Variants in PTPN6 observed in about 807,000 individuals in gnomAD.
PTPN6 encodes the protein protein tyrosine phosphatase non-receptor type 6, also known as tyrosine-protein phosphatase non-receptor type 6.
Under a neutral mutation model 81.5 loss-of-function variants are expected in PTPN6, and 18 were observed. The observed-to-expected ratio is 0.22, with a 90% CI of 0.15 to 0.33. PTPN6 has a LOEUF of 0.33. Ranked by LOEUF, PTPN6 falls within the 10% of genes least tolerant of loss-of-function variation. The pLI, the probability that PTPN6 is intolerant of heterozygous loss-of-function variation, is 1.00. For missense variants in PTPN6, 500 were observed against 794.2 expected (o/e 0.63, Z 4.45); for synonymous variants, 301 against 310.9 (o/e 0.97, Z 0.33).
upstream of PTPN6, chr12:6,951,278 A>G (rs976907992): frequency 6.9e-7 from 1 of 1,449,016 alleles, no homozygotes; most frequent in Admixed American, 2.6e-5. This position sits in a 1 kb window ranked among gnomAD's most constrained non-coding sequence, Gnocchi z 7.2. Flanking sequence ...TGTGCTCTAA[A>G]ACGAGAAGTA....
Position 6,959,831 on chromosome 12 carries a change from G to C in PTPN6, c.1362-96G>C, listed in dbSNP as rs996493426. The C allele has an allele frequency of 1.5e-6, 2 of 1,318,190 alleles. No individual in the cohort carries two copies. The highest frequency in any genetic ancestry group is 2.4e-5 in the South Asian group (2 of 84,818). The allele number at this position is 1,318,190 out of a possible 1,614,324, so 81.7% of individuals were successfully genotyped here. On this transcript the variant is annotated intron_variant, in intron 11 of 15. Transcript: ENST00000318974. The surrounding 1 kb of genome is among the most constrained non-coding windows in gnomAD (Gnocchi z 6.6). ...CCTCCCATCACTGGAGGCTCAGGCT[G>C]CTCCTGTGGTGCCTGGGGCTGGAGC...
In PTPN6 at chr12:6,959,246, T is replaced by G. The variant is rs781870591; in HGVS notation, c.1362-681T>G. Reference sequence around the variant, plus strand: ...ATTCACACACTTCTTGAAAGCCCCATGGCCTTTATTTAGACGTTACAGGAA... The same window carrying G: ...ATTCACACACTTCTTGAAAGCCCCAGGGCCTTTATTTAGACGTTACAGGAA... On this transcript the variant is annotated intron_variant, in intron 11 of 15. Transcript: ENST00000318974. The surrounding 1 kb of genome is among the most constrained non-coding windows in gnomAD (Gnocchi z 6.6). The G allele has an allele frequency of 2.5e-5, 4 of 157,504 alleles. No individual in the cohort carries two copies. In the South Asian group the frequency reaches 6.8e-4, roughly 27 times the overall value. The allele number at this position is 157,504 out of a possible 1,614,324, so 9.8% of individuals were successfully genotyped here. A position where few individuals can be genotyped will look rare whatever the true frequency, so the allele number is the denominator to read the frequency against.
upstream of PTPN6, among the ~76,000 whole-genome samples, chr12:6,947,668 C>CAAA (rs112544780): frequency 3.1e-5 from 2 of 64,784 alleles, no homozygotes; most frequent in Non-Finnish European, 6.5e-5. Flanking sequence ...GACCTTGTCT[C>CAAA]AAAAAAAAAA....
rs1945994307 is a variant in PTPN6 at position 6,954,797 on chromosome 12, T to A, written c.327-8T>A. On this transcript the variant is annotated splice_polypyrimidine_tract_variant and splice_region_variant and intron_variant, in intron 3 of 15. Transcript: ENST00000318974. This position sits in a 1 kb window ranked among gnomAD's most constrained non-coding sequence, Gnocchi z 5.4. ...GGGTCTTACCTTCCCTGACGCTGCC[T>A]TCTCTAGGTGGTACCATGGCCACAT... 1 of 1,613,160 alleles carries A rather than the reference T, an allele frequency of 6.2e-7. No individual in the cohort carries two copies. Among genetic ancestry groups the A allele is most frequent in the Admixed American group, 1.7e-5 (1 of 59,994 alleles).
chr12:6,958,348 G>C (rs782516695), intron 11 of PTPN6, among the ~76,000 whole-genome samples: 1 of 152,170 alleles, frequency 6.6e-6, no homozygotes, highest in Non-Finnish European at 1.5e-5. Flanking sequence ...GGAGGAGCCC[G>C]GGACCCAGTT....
In PTPN6 at chr12:6,957,880, G is replaced by C. The variant is rs781832629; in HGVS notation, c.1207-39G>C. 4 of 1,613,942 alleles carry C rather than the reference G, an allele frequency of 2.5e-6. No individual in the cohort carries two copies. In the East Asian group the frequency reaches 6.7e-5, roughly 27 times the overall value. Reference sequence around the variant, plus strand: ...TAGGGTGAGATGGATGAGGTGTTCCGAGAGAGGAGGGGGCACTGACCCTAT... The same window carrying C: ...TAGGGTGAGATGGATGAGGTGTTCCCAGAGAGGAGGGGGCACTGACCCTAT... On this transcript the variant is annotated intron_variant, in intron 10 of 15. Coordinates refer to ENST00000318974, the MANE Select transcript of PTPN6 (RefSeq NM_002831.6). The surrounding 1 kb of genome is among the most constrained non-coding windows in gnomAD (Gnocchi z 6.5).
Position 6,952,274 on chromosome 12 carries a change from T to C in PTPN6, c.326+97T>C. Reference sequence around the variant, plus strand: ...AGGGAGACTGGCAGCCGGCGCTGCCTACCCTCCATCCCCTCCCCTCCCTGC... The same window carrying C: ...AGGGAGACTGGCAGCCGGCGCTGCCCACCCTCCATCCCCTCCCCTCCCTGC... On this transcript the variant is annotated intron_variant, in intron 3 of 15. Transcript: ENST00000318974. This position sits in a 1 kb window ranked among gnomAD's most constrained non-coding sequence, Gnocchi z 8.1. The C allele has an allele frequency of 1.4e-6, 2 of 1,437,702 alleles. No homozygotes were observed. The highest frequency in any genetic ancestry group is 1.9e-6 in the Non-Finnish European group (2 of 1,028,986). The allele number at this position is 1,437,702 out of a possible 1,614,324, so 89.1% of individuals were successfully genotyped here. A position where few individuals can be genotyped will look rare whatever the true frequency, so the allele number is the denominator to read the frequency against.
intron 3 of PTPN6, chr12:6,953,565 A>T (rs1362579178): frequency 1.3e-5 from 2 of 151,992 alleles, no homozygotes; most frequent in Non-Finnish European, 2.9e-5. Context: ...TGAGCCTGGG[A>T]GTGTGTGAGA....
chr12:6,956,637 C>T lies in PTPN6; in HGVS notation c.1074+69C>T. Reference sequence around the variant, plus strand: ...TCATGCCATTAAGTCGAAGAGCAGTCAGATGCCAGGGCAGAAAGGGATCTC... The same window carrying T: ...TCATGCCATTAAGTCGAAGAGCAGTTAGATGCCAGGGCAGAAAGGGATCTC... On this transcript the variant is annotated intron_variant, in intron 9 of 15. Transcript: ENST00000318974. This position sits in a 1 kb window ranked among gnomAD's most constrained non-coding sequence, Gnocchi z 4.1. 6.3e-7 allele frequency: 1 copy of T among 1,596,430 alleles called. No individual in the cohort carries two copies. Among genetic ancestry groups the T allele is most frequent in the Non-Finnish European group, 8.6e-7 (1 of 1,168,244 alleles).
chr12:6,954,963 T>C lies in PTPN6; in HGVS notation c.485T>C (p.Leu162Pro), dbSNP rs1945999616. Residue 162 changes from leucine (L) to proline (P), a missense_variant, in exon 4 of 16, where the codon CTC becomes CCC. Leu to Pro is a moderately conservative substitution (Grantham distance 98). Around this residue, in one of 6 missense-constraint regions of PTPN6, gnomAD observed 22 missense variants for 16.1 expected, o/e 1.37. Coordinates refer to ENST00000318974, the MANE Select transcript of PTPN6 (RefSeq NM_002831.6). This position sits in a 1 kb window ranked among gnomAD's most constrained non-coding sequence, Gnocchi z 5.4. The part of the protein sequence containing the change: ...DQPKAGPGSP[L>P]RVTHIKVMCE... The stretch of plus-strand genomic sequence containing the variant: ...CCCAAGGCTGGCCCAGGCTCCCCGC[T>C]CAGGGTCACCCACATCAAGGTCATG... The C allele has an allele frequency of 6.2e-7, 1 of 1,614,032 alleles. No individual in the cohort carries two copies. Among genetic ancestry groups the C allele is most frequent in the African/African-American group, 1.3e-5 (1 of 74,940 alleles).
Position 6,961,010 on chromosome 12 carries a change from C to T in PTPN6, c.*25+65C>T. ...TGTGTCCTTGGCTCCACTGCCTTCC[C>T]TGGGTGGATGGGGTGGCCGCAGCCT... On this transcript the variant is annotated intron_variant, in intron 15 of 15. Transcript: ENST00000318974. 1.9e-6 allele frequency: 3 copies of T among 1,545,434 alleles called. No individual in the cohort carries two copies. In the South Asian group the frequency reaches 3.6e-5, roughly 19 times the overall value.
chr12:6,948,495 A>G (rs1375254739), upstream of PTPN6, among the ~76,000 whole-genome samples: 3 of 151,490 alleles, frequency 2.0e-5, no homozygotes, highest in East Asian at 5.8e-4. Context: ...GAAAAAGAGA[A>G]AGAAGGAAAA....
rs1444704840 is a variant in PTPN6 at position 6,955,546 on chromosome 12, C to T, written c.747+61C>T. 6.3e-7 allele frequency: 1 copy of T among 1,577,564 alleles called. No homozygotes were observed. Among genetic ancestry groups the T allele is most frequent in the Non-Finnish European group, 8.7e-7 (1 of 1,148,018 alleles). ...AGGTGGTGGCAGCGGCCTGGGGCCCCAGGCGGACACCTTCCCCTCCTTGCC... is the reference window on the plus strand; with the variant it reads ...AGGTGGTGGCAGCGGCCTGGGGCCCTAGGCGGACACCTTCCCCTCCTTGCC... On this transcript the variant is annotated intron_variant, in intron 6 of 15. Coordinates refer to ENST00000318974, the MANE Select transcript of PTPN6 (RefSeq NM_002831.6). This position sits in a 1 kb window ranked among gnomAD's most constrained non-coding sequence, Gnocchi z 7.2.
rs1946014806 is a variant in PTPN6, at chr12:6,955,597, G to GA, written c.748-63_748-62insA. On this transcript the variant is annotated intron_variant, in intron 6 of 15. Transcript: ENST00000318974. The surrounding 1 kb of genome is among the most constrained non-coding windows in gnomAD (Gnocchi z 7.2). Reference sequence around the variant, plus strand: ...CACCTCTGCTCCTGACCCACCCCACGTGAGCTCCCCCGATGGATGCCCTCT... The same window carrying GA: ...CACCTCTGCTCCTGACCCACCCCACGATGAGCTCCCCCGATGGATGCCCTCT... 21 of 1,578,748 alleles carry GA rather than the reference G, an allele frequency of 1.3e-5. No individual in the cohort carries two copies. Among genetic ancestry groups the GA allele is most frequent in the Non-Finnish European group, 1.8e-5 (21 of 1,148,736 alleles).
chr12:6,960,074 T>C lies in PTPN6; in HGVS notation c.1430-14T>C, dbSNP rs1428468320. On this transcript the variant is annotated splice_polypyrimidine_tract_variant and intron_variant, in intron 12 of 15. Coordinates refer to ENST00000318974, the MANE Select transcript of PTPN6 (RefSeq NM_002831.6). This position sits in a 1 kb window ranked among gnomAD's most constrained non-coding sequence, Gnocchi z 6.1. Reference sequence around the variant, plus strand: ...CCTATGCCTGGACCTGAGGTTTGACTGCCCCCCACCCAGGCCTGGACTGTG... The same window carrying C: ...CCTATGCCTGGACCTGAGGTTTGACCGCCCCCCACCCAGGCCTGGACTGTG... The C allele has an allele frequency of 1.2e-6, 2 of 1,613,390 alleles. No individual in the cohort carries two copies. Among genetic ancestry groups the C allele is most frequent in the Non-Finnish European group, 1.7e-6 (2 of 1,179,990 alleles).
intron 11 of PTPN6, among the ~76,000 whole-genome samples, chr12:6,958,849 T>G (rs1296738634): frequency 1.3e-5 from 2 of 152,226 alleles, no homozygotes; most frequent in Non-Finnish European, 2.9e-5. Context: ...ACCCTCAGCT[T>G]CCTCATCTGT....
Position 6,960,741 on chromosome 12 carries a change from TC to T in PTPN6, c.1674-60del. Reference sequence around the variant, plus strand: ...GCCAGAGGGGACTGCCAGTGCCGGGTCCCCCTGTGCTGTCTCCTGACCTGCA... The same window carrying T: ...GCCAGAGGGGACTGCCAGTGCCGGGTCCCCTGTGCTGTCTCCTGACCTGCA... On this transcript the variant is annotated intron_variant, in intron 14 of 15. Transcript: ENST00000318974. The surrounding 1 kb of genome is among the most constrained non-coding windows in gnomAD (Gnocchi z 6.1). 4 of 1,551,306 alleles carry T rather than the reference TC, an allele frequency of 2.6e-6. No individual in the cohort carries two copies. Among genetic ancestry groups the T allele is most frequent in the Non-Finnish European group, 3.5e-6 (4 of 1,146,954 alleles).
rs781872658 is a variant in PTPN6, at chr12:6,961,007, T to TC, written c.*25+65dup. On this transcript the variant is annotated intron_variant, in intron 15 of 15. Coordinates refer to ENST00000318974, the MANE Select transcript of PTPN6 (RefSeq NM_002831.6). Reference sequence around the variant, plus strand: ...CCCTGTGTCCTTGGCTCCACTGCCTTCCCTGGGTGGATGGGGTGGCCGCAG... The same window carrying TC: ...CCCTGTGTCCTTGGCTCCACTGCCTTCCCCTGGGTGGATGGGGTGGCCGCAG... The TC allele has an allele frequency of 1.5e-3, 2,333 of 1,545,854 alleles. 2 individuals are homozygous for TC. The highest frequency in any genetic ancestry group is 1.9e-3 in the Non-Finnish European group (2,196 of 1,144,786).
At chr12:6,948,003 T>G (rs765159387), upstream of PTPN6, among the ~76,000 whole-genome samples, 1 of 151,942 alleles carries the variant, frequency 6.6e-6, no homozygotes, top group Non-Finnish European at 1.5e-5. Flanking sequence ...AGTGAAAACC[T>G]GACGAGATGA....
Sources: allele counts gnomAD v4.1 joint callset (sites outside exome capture counted in the v4.1 genomes callset), GRCh38; gene constraint gnomAD v4.1.1; regional missense constraint gnomAD v4.1.1; non-coding constraint Gnocchi (gnomAD v3.1); transcripts MANE v1.5; gene names NCBI Gene and HGNC (gene_info 2026-07-23, HGNC 2026-07-21).